FSTL5: variants seen among roughly 807,000 people sequenced by gnomAD.
FSTL5 encodes the protein follistatin like 5.
FSTL5 carries 62 observed loss-of-function variants against 89.1 expected under a neutral mutation model. The ratio of observed to expected loss-of-function variants is 0.70; its 90% CI spans 0.57 to 0.86. The LOEUF (loss-of-function observed/expected upper bound fraction) is 0.86, where lower values mean the gene tolerates loss of function less well. Ranked by LOEUF, FSTL5 falls within the 40% of genes least tolerant of loss-of-function variation. The pLI is 0.00. For missense variants in FSTL5, 1,057 were observed against 1,001.6 expected, an observed-to-expected ratio of 1.06 and a Z score of -0.75; for synonymous variants, 383 against 346.2, an observed-to-expected ratio of 1.11 and a Z score of -1.18.
chr4:161,941,114 T>A (rs1734569550), intron 3 of FSTL5, among the ~76,000 whole-genome samples: 2 of 151,956 alleles, frequency 1.3e-5, no homozygotes, highest in Admixed American at 6.6e-5. Flanking sequence ...TGTAAGAGTT[T>A]AATTTTTAAA....
chr4:161,761,934 CT>C (rs1444968322), intron 5 of FSTL5, among the ~76,000 whole-genome samples: 1 of 152,174 alleles, frequency 6.6e-6, no homozygotes, highest in African/African-American at 2.4e-5. Context: ...AATTATTTCT[CT>C]CCTTCATGTG....
intron 4 of FSTL5, among the ~76,000 whole-genome samples, chr4:161,876,583 C>T (rs1052887669): frequency 6.6e-6 from 1 of 152,064 alleles, no homozygotes; most frequent in Admixed American, 6.5e-5. Context: ...TTTTAAAAAA[C>T]GAGAGTACTG....
In FSTL5 at chr4:161,925,084, G is replaced by A. The variant is rs577830261; in HGVS notation, c.161-4432C>T. Among the ~76,000 whole-genome samples, 6 of 151,790 alleles carry A rather than the reference G, an allele frequency of 4.0e-5. No individual in the cohort carries two copies. The South Asian group carries it at 1.2e-3, about 31-fold the overall frequency. On this transcript the variant is annotated intron_variant, in intron 3 of 15. Coordinates refer to ENST00000306100, the MANE Select transcript of FSTL5 (RefSeq NM_020116.5). ...CTAGTTGTAAAATAAGAGGTAACCA[G>A]CAATTTATCTTTGGATTTGCTCTCA...
At chr4:161,742,714 A>T (rs535167412) in intron 6 of FSTL5, among the ~76,000 whole-genome samples, 1 of 152,324 alleles carries the variant, frequency 6.6e-6, no homozygotes, top group African/African-American at 2.4e-5. Context: ...CAACTTTTCA[A>T]CATGAACAAT....
At chr4:161,841,093 G>C (rs1579132674) in intron 4 of FSTL5, among the ~76,000 whole-genome samples, 1 of 152,132 alleles carries the variant, frequency 6.6e-6, no homozygotes, top group Non-Finnish European at 1.5e-5. Context: ...GCTTTCTTTA[G>C]CTTTTTCAGG....
At chr4:162,163,437 G>GTAATAA (rs34283366) in intron 1 of FSTL5, among the ~76,000 whole-genome samples, 178 bp downstream of exon 1, 3,871 of 140,642 alleles carry the variant, frequency 0.028, 98 homozygotes, top group East Asian at 0.13. Flanking sequence ...AGATTGTCTT[G>GTAATAA]TAATAATAAT....
At chr4:161,881,173 T>TTAATATTAATATATTTAACATTTTAA (rs1479994449) in intron 4 of FSTL5, among the ~76,000 whole-genome samples, 3 of 148,956 alleles carry the variant, frequency 2.0e-5, no homozygotes, top group Non-Finnish European at 3.0e-5. Context: ...TATTTTAATA[T>TTAATATTAATATATTTAACATTTTAA]TAATATTAAT....
chr4:161,527,857 G>A (rs1180297931), intron 10 of FSTL5, among the ~76,000 whole-genome samples: 1 of 151,116 alleles, frequency 6.6e-6, no homozygotes, highest in Non-Finnish European at 1.5e-5. Context: ...TATGTTTGTT[G>A]CGGCACTATT....
chr4:161,561,207 A>C (rs1732587569), intron 8 of FSTL5, among the ~76,000 whole-genome samples: 2 of 103,476 alleles, frequency 1.9e-5, no homozygotes, highest in Admixed American at 2.4e-4. Context: ...AGATAGATAG[A>C]TAGATAGATA....
chr4:161,837,762 G>A (rs533082325), intron 4 of FSTL5, among the ~76,000 whole-genome samples: 53 of 152,110 alleles, frequency 3.5e-4, no homozygotes, highest in Non-Finnish European at 6.5e-4. Flanking sequence ...CTAAGGCTTG[G>A]AATAAGTTCA....
At chr4:161,942,021 A>C (rs544927502) in intron 3 of FSTL5, among the ~76,000 whole-genome samples, 1 of 152,112 alleles carries the variant, frequency 6.6e-6, no homozygotes. Context: ...GGAATTTAAC[A>C]ACATATTCTT....
intron 2 of FSTL5, among the ~76,000 whole-genome samples, chr4:162,038,967 C>T (rs1403752150): frequency 6.6e-6 from 1 of 151,720 alleles, no homozygotes; most frequent in East Asian, 1.9e-4. Flanking sequence ...GCCATAAAGT[C>T]CACACAGATA....
At chr4:162,037,106 T>C (rs982127825) in intron 2 of FSTL5, among the ~76,000 whole-genome samples, 2 of 151,890 alleles carry the variant, frequency 1.3e-5, no homozygotes, top group Non-Finnish European at 2.9e-5. Context: ...TGATGGAATA[T>C]ACCTGGTAGA....
chr4:161,679,510 A>G (rs775938954), intron 6 of FSTL5, among the ~76,000 whole-genome samples: 7 of 151,836 alleles, frequency 4.6e-5, no homozygotes, highest in Admixed American at 6.6e-5. Flanking sequence ...CAGCCGCATG[A>G]ACATGTGCTA....
At chr4:161,649,921 C>T (rs1001045782) in intron 7 of FSTL5, among the ~76,000 whole-genome samples, 5 of 152,118 alleles carry the variant, frequency 3.3e-5, no homozygotes, top group African/African-American at 9.7e-5. Context: ...GCTCCAGCAG[C>T]CTGCTTGAAC....
chr4:161,914,375 T>C (rs2033403), intron 4 of FSTL5, among the ~76,000 whole-genome samples: 132,867 of 152,120 alleles, frequency 0.87, 59,055 homozygotes, highest in Non-Finnish European at 0.96. Context: ...CTTATATATA[T>C]ATCACAGGGG....
At chr4:161,610,655 C>G (rs927579648) in intron 7 of FSTL5, among the ~76,000 whole-genome samples, 3 of 152,090 alleles carry the variant, frequency 2.0e-5, no homozygotes, top group Non-Finnish European at 4.4e-5. Flanking sequence ...AATTAGTAAT[C>G]AAATGGAGAG....
intron 2 of FSTL5, among the ~76,000 whole-genome samples, chr4:162,074,179 G>A (rs1729741346): frequency 6.6e-6 from 1 of 151,624 alleles, no homozygotes; most frequent in Non-Finnish European, 1.5e-5. Flanking sequence ...TCACCACTTA[G>A]TAACTTATAG....
chr4:161,961,847 T>C (rs936175059), intron 3 of FSTL5, among the ~76,000 whole-genome samples: 2 of 151,712 alleles, frequency 1.3e-5, no homozygotes, highest in African/African-American at 4.8e-5. Flanking sequence ...AATGTCCTTA[T>C]ATGTATTACA....
Sources: gnomAD v4.1 joint callset for allele counts (sites outside exome capture counted in the v4.1 genomes callset) on GRCh38, gnomAD v4.1.1 for gene constraint, MANE v1.5 for transcripts, NCBI Gene and HGNC (gene_info 2026-07-23, HGNC 2026-07-21) for gene names.